Variants in MYO3B observed in about 807,000 individuals in gnomAD.
The protein encoded by MYO3B is myosin-IIIb.
In MYO3B, 156 loss-of-function variants were observed where a neutral mutation model predicts 174.6. That is an observed-to-expected ratio of 0.89 (90% confidence interval 0.78 to 1.02). The LOEUF is 1.02. Among genes scored for constraint, MYO3B ranks in the 50% least tolerant of loss-of-function variants. The probability of loss-of-function intolerance (pLI) is 0.00; values close to 1 mark genes in which losing one functional copy is unlikely to be tolerated. For synonymous variants in MYO3B, 563 were observed against 569.1 expected, an observed-to-expected ratio of 0.99 and a Z score of 0.15; for missense variants, 1,632 against 1,639.4, an observed-to-expected ratio of 1.00 and a Z score of 0.08.
chr2:170,381,617 G>A (rs1186527817), intron 9 of MYO3B, among the ~76,000 whole-genome samples: 2 of 152,228 alleles, frequency 1.3e-5, no homozygotes, highest in African/African-American at 2.4e-5. Flanking sequence ...GTTGGGGGTG[G>A]TGCTGGTAGA....
At chr2:170,563,900 A>C (rs1691899239) in intron 32 of MYO3B, among the ~76,000 whole-genome samples, 1 of 152,220 alleles carries the variant, frequency 6.6e-6, no homozygotes, top group African/African-American at 2.4e-5. Context: ...AGAAGCTGGG[A>C]AGCATAGTTC....
chr2:170,497,661 T>C (rs897987634), intron 25 of MYO3B, among the ~76,000 whole-genome samples: 1 of 152,150 alleles, frequency 6.6e-6, no homozygotes, highest in Non-Finnish European at 1.5e-5. Flanking sequence ...CTTCAGGTTT[T>C]CATTTCCTCA....
At chr2:170,550,122 C>G (rs1031739151) in intron 32 of MYO3B, among the ~76,000 whole-genome samples, 1 of 152,172 alleles carries the variant, frequency 6.6e-6, no homozygotes, top group African/African-American at 2.4e-5. Context: ...AATCCCTGCT[C>G]TTTTTGGCTC....
At chr2:170,384,047 AT>A in intron 12 of MYO3B, 1 of 419,578 alleles carries the variant, frequency 2.4e-6, no homozygotes, top group Non-Finnish European at 4.3e-6. Flanking sequence ...AGGTGCGCTC[AT>A]TTTCTCTGAT....
At chr2:170,233,054 C>G (rs2093031341) in intron 6 of MYO3B, among the ~76,000 whole-genome samples, 2 of 152,152 alleles carry the variant, frequency 1.3e-5, no homozygotes, top group South Asian at 4.1e-4. Context: ...TAGATATGTT[C>G]TTAGAATTGC....
At chr2:170,483,862 T>C (rs1404072716) in intron 25 of MYO3B, among the ~76,000 whole-genome samples, 1 of 152,172 alleles carries the variant, frequency 6.6e-6, no homozygotes, top group Non-Finnish European at 1.5e-5. Context: ...AGTCAAGGCA[T>C]GTTTTCTTCA....
At chr2:170,632,811 G>C (rs959000373) in intron 32 of MYO3B, among the ~76,000 whole-genome samples, 13 of 140,184 alleles carry the variant, frequency 9.3e-5, no homozygotes, top group Middle Eastern at 4.0e-3. Context: ...TATCACCACT[G>C]ATCCCACAGA....
rs878903537 is a variant in MYO3B at position 170,534,138 on chromosome 2, G to C, written c.3576-8768G>C. On this transcript the variant is annotated intron_variant, in intron 30 of 34. Transcript: ENST00000408978. ...TGTTTTTTACGAACTGAAGGTTTGT[G>C]CCACCCTGTGTTGAGCAAGTCTGTT... 2.0e-5 allele frequency among the ~76,000 whole-genome samples: 3 copies of C among 152,104 alleles called. 1 individual carries two copies. Among genetic ancestry groups the C allele is most frequent in the Admixed American group, 2.0e-4 (3 of 15,274 alleles).
At chr2:170,649,383 T>TAAAAATATAAA (rs1491513713) in intron 32 of MYO3B, among the ~76,000 whole-genome samples, 2 of 61,840 alleles carry the variant, frequency 3.2e-5, no homozygotes, top group African/African-American at 1.5e-4. Context: ...TATAAATATA[T>TAAAAATATAAA]TATATAAAAA....
chr2:170,371,216 T>TAAAAAAAAAAAAAAAAAAAA (rs56689548), intron 9 of MYO3B, among the ~76,000 whole-genome samples: 1 of 89,714 alleles, frequency 1.1e-5, no homozygotes, highest in Non-Finnish European at 2.1e-5. Flanking sequence ...AGACAGTGTC[T>TAAAAAAAAAAAAAAAAAAAA]AAAAAAAAAA....
chr2:170,306,621 G>A (rs1440315175), intron 7 of MYO3B, among the ~76,000 whole-genome samples: 2 of 152,196 alleles, frequency 1.3e-5, no homozygotes, highest in Non-Finnish European at 2.9e-5. Context: ...TCCTTGTCAA[G>A]TAGAGCTCAG....
chr2:170,430,374 C>CTT (rs11368801), intron 22 of MYO3B, among the ~76,000 whole-genome samples: 7,971 of 136,632 alleles, frequency 0.058, 319 homozygotes, highest in Non-Finnish European at 0.071. Context: ...TTCTGGATAG[C>CTT]TTTTTTTTTT....
intron 16 of MYO3B, among the ~76,000 whole-genome samples, chr2:170,396,780 T>A (rs543047101): frequency 6.6e-6 from 1 of 152,242 alleles, no homozygotes; most frequent in African/African-American, 2.4e-5. Flanking sequence ...ATGCTGGAAG[T>A]CTTATTTTGG....
intron 15 of MYO3B, among the ~76,000 whole-genome samples, chr2:170,392,066 T>C (rs1457313935): frequency 6.9e-6 from 1 of 144,172 alleles, no homozygotes; most frequent in Non-Finnish European, 1.5e-5. Flanking sequence ...GAGGCTGCAG[T>C]GAGCCAAGTT....
At chr2:170,279,075 A>C (rs1372996989) in intron 7 of MYO3B, among the ~76,000 whole-genome samples, 1 of 152,000 alleles carries the variant, frequency 6.6e-6, no homozygotes, top group African/African-American at 2.4e-5. Flanking sequence ...TATCTTTGCT[A>C]TTGTGAATAG....
At chr2:170,578,293 G>A (rs902894654) in intron 32 of MYO3B, among the ~76,000 whole-genome samples, 1 of 152,242 alleles carries the variant, frequency 6.6e-6, no homozygotes, top group South Asian at 2.1e-4. Context: ...GGAGGAGGAA[G>A]GCGGGGCCAA....
At chr2:170,421,783 A>C (rs771229999) in intron 22 of MYO3B, among the ~76,000 whole-genome samples, 1 of 152,196 alleles carries the variant, frequency 6.6e-6, no homozygotes, top group African/African-American at 2.4e-5. Context: ...AAATACGTGT[A>C]TGATGTGGCT....
intron 9 of MYO3B, among the ~76,000 whole-genome samples, chr2:170,376,265 A>G (rs946960644): frequency 6.6e-6 from 1 of 152,240 alleles, no homozygotes; most frequent in Non-Finnish European, 1.5e-5. Context: ...CAGTAGAATA[A>G]TGTCATTCCT....
intron 7 of MYO3B, among the ~76,000 whole-genome samples, chr2:170,245,145 T>C (rs1226632897): frequency 1.3e-5 from 2 of 152,118 alleles, no homozygotes; most frequent in Non-Finnish European, 2.9e-5. Context: ...TTGGAGGACA[T>C]TGGCAGCCTT....
Sources: allele counts gnomAD v4.1 joint callset (sites outside exome capture counted in the v4.1 genomes callset), GRCh38; gene constraint gnomAD v4.1.1; transcripts MANE v1.5; gene names NCBI Gene and HGNC (gene_info 2026-07-23, HGNC 2026-07-21).